The following CPVL variants were observed in gnomAD, a reference collection of about 807,000 sequenced individuals.
The protein encoded by CPVL is probable serine carboxypeptidase CPVL.
In CPVL, 51 loss-of-function variants were observed where a neutral mutation model predicts 63.7. The ratio of observed to expected loss-of-function variants is 0.80; its 90% confidence interval spans 0.64 to 1.01. The LOEUF (loss-of-function observed/expected upper bound fraction) is 1.01, where lower values mean the gene tolerates loss of function less well. Among genes scored for constraint, CPVL ranks in the 50% least tolerant of loss-of-function variants. The probability of loss-of-function intolerance (pLI) is 0.00; values close to 1 mark genes in which losing one functional copy is unlikely to be tolerated. For missense variants in CPVL, 530 were observed against 573.1 expected, an observed-to-expected ratio of 0.92 and a Z score of 0.77; for synonymous variants, 195 against 206.0, an observed-to-expected ratio of 0.95 and a Z score of 0.46.
intron 11 of CPVL, among the ~76,000 whole-genome samples, chr7:29,050,721 T>C (rs1162806956): frequency 1.3e-5 from 2 of 152,028 alleles, no homozygotes; most frequent in Admixed American, 1.3e-4. Flanking sequence ...ACCATCATTC[T>C]TCACAGAATT....
chr7:29,079,522 A>G (rs1784505764), intron 7 of CPVL, among the ~76,000 whole-genome samples: 1 of 152,226 alleles, frequency 6.6e-6, no homozygotes, highest in Non-Finnish European at 1.5e-5. Context: ...GGCAGCTGTT[A>G]GGATTAAACG....
intron 11 of CPVL, among the ~76,000 whole-genome samples, chr7:29,045,815 T>C (rs1483684888): frequency 6.6e-6 from 1 of 152,216 alleles, no homozygotes; most frequent in South Asian, 2.1e-4. Flanking sequence ...CAAAATGAGT[T>C]AGATTTGCTG....
At chr7:29,182,549 T>G (rs555593413) in intron 4 of CPVL, among the ~76,000 whole-genome samples, 1 of 152,368 alleles carries the variant, frequency 6.6e-6, no homozygotes, top group Admixed American at 6.5e-5. Context: ...TTAAGCCTCC[T>G]AGAGTATTTT....
chr7:29,121,842 A>G (rs1393770389), intron 1 of CPVL, among the ~76,000 whole-genome samples: 1 of 152,198 alleles, frequency 6.6e-6, no homozygotes, highest in Non-Finnish European at 1.5e-5. Flanking sequence ...AACAACAACA[A>G]AAACAAAAAC....
At chr7:29,131,616 G>T (rs1790706450) in intron 1 of CPVL, among the ~76,000 whole-genome samples, 1 of 152,138 alleles carries the variant, frequency 6.6e-6, no homozygotes, top group Non-Finnish European at 1.5e-5. Flanking sequence ...AGGCATAAAT[G>T]ATCCTCCCAC....
intron 1 of CPVL, chr7:29,194,776 G>A (rs1028876842): frequency 2.0e-6 from 1 of 497,368 alleles, no homozygotes; most frequent in Non-Finnish European, 3.3e-6. Flanking sequence ...GCGTCATCTG[G>A]TGGAGCAGGA....
intron 11 of CPVL, among the ~76,000 whole-genome samples, chr7:29,063,796 T>C (rs777136231): frequency 2.3e-4 from 35 of 152,076 alleles, no homozygotes; most frequent in Non-Finnish European, 3.8e-4. Flanking sequence ...GGTCTCAAAA[T>C]CTTGACCTCA....
At position 29,112,609 on chromosome 7, in the gene CPVL, T is replaced by A. The variant is rs960725708; in HGVS notation, c.288+95A>T. 9.4e-6 allele frequency: 7 copies of A among 744,890 alleles called. No individual in the cohort carries two copies. In the Admixed American group the frequency reaches 1.6e-4, roughly 17 times the overall value. 46.1% of individuals were successfully genotyped at this position (744,890 alleles called of 1,614,324 possible). On this transcript the variant is annotated intron_variant, in intron 3 of 12. Coordinates refer to ENST00000265394, the MANE Select transcript of CPVL (RefSeq NM_031311.5). ...TTTTTAGAAAAAATCTATGAGATTT[T>A]TTTTTAAAGACCTGTAGCTCGGTAG...
At chr7:29,008,968 C>T (rs1307723054) in intron 12 of CPVL, 1 of 151,926 alleles carries the variant, frequency 6.6e-6, no homozygotes, top group Non-Finnish European at 1.5e-5. Context: ...TATTTACTTG[C>T]TGCTTCTTAC....
chr7:29,004,993 T>TTG (rs1232630674), intron 12 of CPVL, among the ~76,000 whole-genome samples: 1 of 151,092 alleles, frequency 6.6e-6, no homozygotes, highest in Non-Finnish European at 1.5e-5. Context: ...GCTTGCTGAG[T>TTG]TCAAGTGATT....
chr7:29,119,149 GAA>G (rs1286369886), intron 2 of CPVL, among the ~76,000 whole-genome samples: 3 of 152,172 alleles, frequency 2.0e-5, no homozygotes, highest in Non-Finnish European at 4.4e-5. Context: ...CCAGAAAGTT[GAA>G]ATCATTTACT....
intron 11 of CPVL, among the ~76,000 whole-genome samples, chr7:29,052,440 CAAAA>C (rs57693166): frequency 8.5e-6 from 1 of 118,228 alleles, no homozygotes; most frequent in Admixed American, 8.3e-5. Context: ...GATTCAGTTC[CAAAA>C]AAAAAAAAAA....
chr7:29,072,023 T>C (rs747101180), intron 8 of CPVL, 119 bp from the exon 9 acceptor site: 17 of 1,238,276 alleles, frequency 1.4e-5, no homozygotes, highest in Non-Finnish European at 1.8e-5. Context: ...GTTAGCCAAG[T>C]AGGATAATTA....
At chr7:29,036,410 G>C (rs1272145199) in intron 11 of CPVL, among the ~76,000 whole-genome samples, 2 of 152,156 alleles carry the variant, frequency 1.3e-5, no homozygotes, top group African/African-American at 4.8e-5. Context: ...GGAGAGACTC[G>C]ACACAGCACT....
chr7:29,130,920 A>G (rs934989669), intron 1 of CPVL, among the ~76,000 whole-genome samples: 6 of 152,338 alleles, frequency 3.9e-5, no homozygotes, highest in African/African-American at 1.4e-4. Flanking sequence ...TTTCTAGTGT[A>G]CTTCTTTCAG....
intron 11 of CPVL, among the ~76,000 whole-genome samples, chr7:29,051,497 G>A (rs997636546): frequency 1.3e-5 from 2 of 152,042 alleles, no homozygotes; most frequent in African/African-American, 4.8e-5. Context: ...ATGAAAAAAC[G>A]CTCAACATCA....
chr7:29,102,776 TTTCCTCAGGGTTTC>T (rs1787283380), intron 3 of CPVL, among the ~76,000 whole-genome samples: 3 of 152,142 alleles, frequency 2.0e-5, no homozygotes. Context: ...TTGGACACTC[TTTCCTCAGGGTTTC>T]TTCCAGAAGG....
At chr7:29,189,854 A>G (rs1288217874) in intron 1 of CPVL, among the ~76,000 whole-genome samples, 3 of 152,128 alleles carry the variant, frequency 2.0e-5, no homozygotes, top group African/African-American at 7.2e-5. Flanking sequence ...AGTGAGAAAG[A>G]CGATGCAGGA....
intron 4 of CPVL, among the ~76,000 whole-genome samples, chr7:29,182,737 T>G (rs1430740846): frequency 6.6e-6 from 1 of 152,234 alleles, no homozygotes; most frequent in Non-Finnish European, 1.5e-5. Context: ...GTCTGAAGCA[T>G]TAAGGTTCTT....
Sources: allele counts gnomAD v4.1 joint callset (sites outside exome capture counted in the v4.1 genomes callset), GRCh38; gene constraint gnomAD v4.1.1; transcripts MANE v1.5; gene names NCBI Gene and HGNC (gene_info 2026-07-23, HGNC 2026-07-21).